The following FRY variants were observed in gnomAD, a reference collection of about 807,000 sequenced individuals.
FRY encodes the protein protein furry homolog.
FRY carries 128 observed loss-of-function variants against 348.4 expected under a neutral mutation model. The observed-to-expected ratio is 0.37, with a 90% CI of 0.32 to 0.43. The LOEUF (loss-of-function observed/expected upper bound fraction) is 0.43. FRY is among the 20% of genes least tolerant of loss of function. FRY has a pLI of 1.00. For missense variants in FRY, 2,736 were observed against 3,695.2 expected (o/e 0.74, Z 6.73); for synonymous variants, 1,370 against 1,374.7 (o/e 1.00, Z 0.08).
chr13:32,068,908 ATTC>A (rs753348903), intron 1 of FRY, among the ~76,000 whole-genome samples: 9 of 124,242 alleles, frequency 7.2e-5, no homozygotes, highest in African/African-American at 2.8e-4. Context: ...TCCATGTTCA[ATTC>A]TTTTTTTTTT....
chr13:32,161,144 G>C lies in FRY; in HGVS notation c.1785G>C (p.Thr595=). ...MLNKEPEDMI[T]GERKPKIDLF... is the part of the protein sequence containing the mutation. ...TTAAAATTTTGTCTTCTAATTCTAG[G>C]GGTGAGAGAAAGCCAAAAATAGATC... The change falls in exon 17 of 61, where the codon ACG becomes ACC. Residue 595 remains threonine, a splice_region_variant and synonymous_variant. Coordinates refer to ENST00000542859, the MANE Select transcript of FRY (RefSeq NM_023037.3). The C allele has an allele frequency of 6.3e-7, 1 of 1,591,686 alleles. No individual in the cohort carries two copies. Among genetic ancestry groups the C allele is most frequent in the Admixed American group, 1.7e-5 (1 of 59,958 alleles).
chr13:32,232,459 C>A (rs1054236023), intron 41 of FRY, among the ~76,000 whole-genome samples: 1 of 152,112 alleles, frequency 6.6e-6, no homozygotes, highest in African/African-American at 2.4e-5. Context: ...AACAAACAGC[C>A]CCCAGAGCTC....
intron 36 of FRY, among the ~76,000 whole-genome samples, chr13:32,223,542 A>T (rs117515692): frequency 0.077 from 11,646 of 151,984 alleles, 562 homozygotes; most frequent in Non-Finnish European, 0.1. Flanking sequence ...TTGGGAGGCC[A>T]AGGTGGGAGG....
chr13:32,204,731 C>T (rs1362006959), intron 31 of FRY, among the ~76,000 whole-genome samples: 5 of 152,160 alleles, frequency 3.3e-5, no homozygotes, highest in Admixed American at 2.0e-4. Context: ...AGTGGAGAGA[C>T]CCAATAAAAG....
At chr13:32,265,837 A>G (rs1462266114) in intron 54 of FRY, among the ~76,000 whole-genome samples, 2 of 152,216 alleles carry the variant, frequency 1.3e-5, no homozygotes, top group Admixed American at 6.5e-5. Context: ...ATGAATTCAT[A>G]AGGCCAGAAA....
chr13:32,254,140 G>A (rs1347022823), intron 50 of FRY, 84 bp from the exon 51 acceptor site: 2 of 1,199,426 alleles, frequency 1.7e-6, no homozygotes, highest in African/African-American at 1.5e-5. Context: ...GAAATACGGT[G>A]CTATGAAGAG....
At chr13:32,122,128 T>A (rs1464491230) in intron 4 of FRY, among the ~76,000 whole-genome samples, 1 of 152,102 alleles carries the variant, frequency 6.6e-6, no homozygotes, top group Non-Finnish European at 1.5e-5. Flanking sequence ...AAATCACATG[T>A]TCATCCCAAT....
intron 47 of FRY, among the ~76,000 whole-genome samples, chr13:32,246,947 A>C (rs1886840302): frequency 2.4e-5 from 1 of 41,624 alleles, no homozygotes; most frequent in Non-Finnish European, 4.9e-5. Context: ...GACCAAGAAG[A>C]CTGGAAACCG....
rs767809851 is a variant in FRY, at chr13:32,294,482, A to G, written c.8695A>G (p.Thr2899Ala). The change falls in exon 60 of 61, where the codon ACG becomes GCG. Residue 2899 changes from threonine to alanine, a missense_variant. Thr to Ala is a moderately conservative substitution (Grantham distance 58, BLOSUM62 0). Transcript: ENST00000542859. ...CGGCGCGTGGTCCGAGCCCACCTTC[A>G]CGTCCACTGAAGCAGCCATCCAGTC... ...SDGAWSEPTF[T>A]STEAAIQSML... 3.7e-6 allele frequency: 6 copies of G among 1,612,652 alleles called. No individual in the cohort carries two copies. In the Admixed American group the frequency reaches 1.0e-4, roughly 27 times the overall value.
chr13:32,225,753 G>A (rs9562560), intron 38 of FRY, 36 bp from the exon 39 acceptor site: 21 of 1,495,520 alleles, frequency 1.4e-5, no homozygotes, highest in East Asian at 9.0e-5. Context: ...CGAGCTTAAC[G>A]TTTGTTTATA....
At chr13:32,178,556 T>G (rs1882507630) in intron 21 of FRY, 120 bp downstream of exon 21, 1 of 1,139,706 alleles carries the variant, frequency 8.8e-7, no homozygotes, top group Non-Finnish European at 1.3e-6. Context: ...TACTAGAGAA[T>G]TCTTAACATT....
At chr13:32,228,286 C>G (rs143241377) in intron 39 of FRY, among the ~76,000 whole-genome samples, 170 bp from the exon 40 acceptor site, 38 of 152,290 alleles carry the variant, frequency 2.5e-4, no homozygotes, top group African/African-American at 8.9e-4. Flanking sequence ...ATTTCCTAAA[C>G]AAAGAAAAAC....
intron 11 of FRY, among the ~76,000 whole-genome samples, chr13:32,145,540 T>G (rs12854872): frequency 0.3 from 28,781 of 97,422 alleles, 3,844 homozygotes; most frequent in Non-Finnish European, 0.39. Context: ...TTTTTTTTTT[T>G]TTTTTTTTTT....
chr13:32,222,577 G>A (rs61946738), intron 36 of FRY, among the ~76,000 whole-genome samples: 4,481 of 152,278 alleles, frequency 0.029, 90 homozygotes, highest in Middle Eastern at 0.061. Flanking sequence ...GACAGTTAAG[G>A]AGGCCATTGC....
chr13:32,133,304 C>T, intron 8 of FRY, among the ~76,000 whole-genome samples: 1 of 152,168 alleles, frequency 6.6e-6, no homozygotes, highest in African/African-American at 2.4e-5. Flanking sequence ...TGACCAGTCA[C>T]ACTTAACCCC....
rs992417210 is a variant in FRY at position 32,249,439 on chromosome 13, G to T, written c.7009-87G>T. 118 of 1,376,016 alleles carry T rather than the reference G, an allele frequency of 8.6e-5. 1 individual carries two copies. Among genetic ancestry groups the T allele is most frequent in the Non-Finnish European group, 4.1e-5 (40 of 986,772 alleles). 85.2% of individuals were successfully genotyped at this position (1,376,016 alleles called of 1,614,324 possible). ...TCTAATCTGATTTTTAATCAAATAA[G>T]CAGCTCTTGGTTGCTTCTGGGGAGA... is the stretch of plus-strand genomic sequence containing the variant. On this transcript the variant is annotated intron_variant, in intron 48 of 60. Transcript: ENST00000542859.
At chr13:32,160,494 G>A (rs1881378708) in intron 16 of FRY, among the ~76,000 whole-genome samples, 2 of 152,108 alleles carry the variant, frequency 1.3e-5, no homozygotes, top group Admixed American at 1.3e-4. Context: ...CCAACAGAAT[G>A]CAGAAGGCAT....
At chr13:32,144,113 C>T (rs943878910) in intron 11 of FRY, among the ~76,000 whole-genome samples, 7 of 151,190 alleles carry the variant, frequency 4.6e-5, no homozygotes, top group Admixed American at 2.0e-4. Flanking sequence ...TTTAAATGAG[C>T]GAGTATTTTA....
chr13:32,266,441 A>G (rs1011178949), intron 54 of FRY, among the ~76,000 whole-genome samples: 1 of 152,130 alleles, frequency 6.6e-6, no homozygotes, highest in Admixed American at 6.5e-5. Context: ...ATATGCATTT[A>G]TTAATACTCT....
Sources: allele counts gnomAD v4.1 joint callset (sites outside exome capture counted in the v4.1 genomes callset), GRCh38; gene constraint gnomAD v4.1.1; transcripts MANE v1.5; gene names NCBI Gene and HGNC (gene_info 2026-07-23, HGNC 2026-07-21).